The following TBC1D5 variants were observed in gnomAD, a reference collection of about 807,000 sequenced individuals.
TBC1D5 encodes TBC1 domain family member 5.
In TBC1D5, 75 loss-of-function variants were observed where a neutral mutation model predicts 100.3. The observed-to-expected ratio is 0.75, with a 90% CI of 0.62 to 0.91. The LOEUF is 0.91. TBC1D5 is among the 40% of genes least tolerant of loss of function. The pLI, the probability that TBC1D5 is intolerant of heterozygous loss-of-function variation, is 0.00. For missense variants in TBC1D5, 910 were observed against 942.4 expected (o/e 0.97, Z 0.45); for synonymous variants, 323 against 325.6 (o/e 0.99, Z 0.09).
chr3:17,684,042 C>A (rs973788604), intron 1 of TBC1D5, among the ~76,000 whole-genome samples: 2 of 151,822 alleles, frequency 1.3e-5, no homozygotes, highest in Non-Finnish European at 2.9e-5. Context: ...ATAATAGGGG[C>A]TGGGTAGATT....
At chr3:17,364,183 T>G (rs2091950097) in intron 13 of TBC1D5, among the ~76,000 whole-genome samples, 1 of 152,174 alleles carries the variant, frequency 6.6e-6, no homozygotes, top group Non-Finnish European at 1.5e-5. Flanking sequence ...AATTGTTTCA[T>G]TCTTATTACT....
At chr3:17,223,327 T>C (rs1382409362) in intron 17 of TBC1D5, among the ~76,000 whole-genome samples, 2 of 152,194 alleles carry the variant, frequency 1.3e-5, no homozygotes, top group East Asian at 1.9e-4. Context: ...AGTTTGCCTA[T>C]TCCCCCCGCA....
chr3:17,409,556 T>C (rs1596863), intron 4 of TBC1D5, among the ~76,000 whole-genome samples: 13,865 of 152,090 alleles, frequency 0.091, 1,433 homozygotes, highest in African/African-American at 0.26. Context: ...CTTGGTCTCT[T>C]GCGCTAAACA....
intron 15 of TBC1D5, among the ~76,000 whole-genome samples, chr3:17,262,610 T>C (rs1329783033): frequency 6.6e-6 from 1 of 150,512 alleles, no homozygotes; most frequent in Non-Finnish European, 1.5e-5. Context: ...GCCTCCCGAG[T>C]AGCTGGGACT....
chr3:17,544,087 C>G (rs2096388273), intron 2 of TBC1D5, among the ~76,000 whole-genome samples: 1 of 151,998 alleles, frequency 6.6e-6, no homozygotes, highest in Non-Finnish European at 1.5e-5. Context: ...CCAAGATGGT[C>G]TCAATCTCTT....
At chr3:17,713,935 A>C (rs1428080510) in intron 1 of TBC1D5, among the ~76,000 whole-genome samples, 2 of 152,236 alleles carry the variant, frequency 1.3e-5, no homozygotes, top group Non-Finnish European at 2.9e-5. Context: ...TGTCAAAATC[A>C]TGGAACAGTC....
At chr3:17,308,358 C>G (rs1471503287) in intron 13 of TBC1D5, among the ~76,000 whole-genome samples, 1 of 151,930 alleles carries the variant, frequency 6.6e-6, no homozygotes. Context: ...ACGTATTATA[C>G]ATATATATGA....
chr3:17,641,897 A>C (rs2064545769), intron 1 of TBC1D5, among the ~76,000 whole-genome samples: 1 of 152,122 alleles, frequency 6.6e-6, no homozygotes, highest in Admixed American at 6.6e-5. Context: ...CAGACTAATG[A>C]CTTTTTTCCC....
Position 17,526,054 on chromosome 3 carries a change from G to A in TBC1D5, c.-35-17449C>T, listed in dbSNP as rs79595555. ...ATTAAGTCATATTTCTGCTTGTAAT[G>A]GGGAAAAGTAAACAAAACAGGAGGT... is the stretch of plus-strand genomic sequence containing the variant. On this transcript the variant is annotated intron_variant, in intron 2 of 21. Coordinates refer to ENST00000253692, the Ensembl canonical transcript of TBC1D5. 3.5e-3 allele frequency among the ~76,000 whole-genome samples: 525 copies of A among 152,108 alleles called. 3 individuals are homozygous for A. The highest frequency in any genetic ancestry group is 0.012 in the African/African-American group (500 of 41,478).
intron 18 of TBC1D5, among the ~76,000 whole-genome samples, chr3:17,199,767 G>T (rs79855052): frequency 0.012 from 1,855 of 152,310 alleles, 38 homozygotes; most frequent in African/African-American, 0.041. Context: ...AGGCCAGAGC[G>T]ATTACCTGGA....
intron 14 of TBC1D5, among the ~76,000 whole-genome samples, chr3:17,299,898 T>C (rs949859581): frequency 6.9e-6 from 1 of 145,844 alleles, no homozygotes; most frequent in Non-Finnish European, 1.5e-5. Context: ...ATCATTCTGA[T>C]GTGGGATGGT....
Position 17,453,325 on chromosome 3 carries a change from T to C in TBC1D5, c.98-24806A>G, listed in dbSNP as rs560625345. Among the ~76,000 whole-genome samples, 50 of 151,228 alleles carry C rather than the reference T, an allele frequency of 3.3e-4. 1 individual carries two copies. The highest frequency in any genetic ancestry group is 2.0e-3 in the Admixed American group (30 of 15,214). ...GAAATAATGAAGATCAGATCAGAAA[T>C]AGATGAATTTGAAATAAACAAAACA... On this transcript the variant is annotated intron_variant, in intron 3 of 21. Coordinates refer to ENST00000253692, the Ensembl canonical transcript of TBC1D5.
intron 2 of TBC1D5, among the ~76,000 whole-genome samples, chr3:17,553,339 GTC>G: frequency 6.6e-6 from 1 of 152,142 alleles, no homozygotes; most frequent in South Asian, 2.1e-4. Context: ...AAATCCAAAA[GTC>G]TGGCAACACA....
chr3:17,479,113 T>C (rs1430986442), intron 3 of TBC1D5, among the ~76,000 whole-genome samples: 11 of 152,192 alleles, frequency 7.2e-5, no homozygotes, highest in Non-Finnish European at 1.5e-4. Flanking sequence ...TCTGAAAACA[T>C]GCAAAGGCTG....
chr3:17,563,763 GTTTTTGT>G (rs778926795), intron 2 of TBC1D5, among the ~76,000 whole-genome samples: 59 of 152,050 alleles, frequency 3.9e-4, no homozygotes, highest in African/African-American at 1.0e-3. Flanking sequence ...TGTTGTTGTT[GTTTTTGT>G]TTTTTGTTTT....
At chr3:17,321,659 G>A (rs1202615963) in intron 13 of TBC1D5, among the ~76,000 whole-genome samples, 1 of 152,090 alleles carries the variant, frequency 6.6e-6, no homozygotes, top group Non-Finnish European at 1.5e-5. Context: ...TTATTTTCTA[G>A]GAATTTTGTA....
intron 2 of TBC1D5, among the ~76,000 whole-genome samples, chr3:17,583,312 A>C (rs2096711745): frequency 6.6e-6 from 1 of 152,132 alleles, no homozygotes; most frequent in Non-Finnish European, 1.5e-5. Context: ...AAATTACTTA[A>C]ATATGTAAGA....
At chr3:17,360,274 G>A (rs984270052) in intron 13 of TBC1D5, among the ~76,000 whole-genome samples, 8 of 151,866 alleles carry the variant, frequency 5.3e-5, no homozygotes, top group South Asian at 4.1e-4. Context: ...TTAAATATTC[G>A]TTTTTCCTGT....
intron 2 of TBC1D5, among the ~76,000 whole-genome samples, chr3:17,530,387 G>A (rs1168236119): frequency 1.3e-5 from 2 of 152,212 alleles, no homozygotes; most frequent in Middle Eastern, 3.4e-3. Flanking sequence ...GCAAAAAGAG[G>A]GTAATCAGAG....
Sources: gnomAD v4.1 joint callset for allele counts (sites outside exome capture counted in the v4.1 genomes callset) on GRCh38, gnomAD v4.1.1 for gene constraint, MANE v1.5 for transcripts, NCBI Gene and HGNC (gene_info 2026-07-23, HGNC 2026-07-21) for gene names.